The following ITGA11 variants were observed in gnomAD, a reference collection of about 807,000 sequenced individuals.
The protein encoded by ITGA11 is integrin alpha-11.
ITGA11 carries 97 observed loss-of-function variants against 141.9 expected under a neutral mutation model. The observed-to-expected ratio is 0.68, with a 90% CI of 0.58 to 0.81. The LOEUF (loss-of-function observed/expected upper bound fraction) is 0.81, where lower values mean the gene tolerates loss of function less well. Among genes scored for constraint, ITGA11 ranks in the 30% least tolerant of loss-of-function variants. The pLI, the probability that ITGA11 is intolerant of heterozygous loss-of-function variation, is 0.00. For synonymous variants in ITGA11, 658 were observed against 624.6 expected, an observed-to-expected ratio of 1.05 and a Z score of -0.80; for missense variants, 1,387 against 1,559.2, an observed-to-expected ratio of 0.89 and a Z score of 1.86.
intron 5 of ITGA11, among the ~76,000 whole-genome samples, chr15:68,359,554 G>A (rs1282004787): frequency 6.6e-6 from 1 of 152,168 alleles, no homozygotes; most frequent in Non-Finnish European, 1.5e-5. Flanking sequence ...GCTGAAGCAT[G>A]AGAATTGCTT....
At chr15:68,384,118 C>T (rs1030159007) in intron 2 of ITGA11, among the ~76,000 whole-genome samples, 4 of 151,994 alleles carry the variant, frequency 2.6e-5, no homozygotes, top group Non-Finnish European at 5.9e-5. Context: ...CGTTCTATGG[C>T]CCTGAGGACT....
In ITGA11 at chr15:68,420,817, G is replaced by A. The variant is rs147103134; in HGVS notation, c.52+11198C>T. 1.2e-4 allele frequency among the ~76,000 whole-genome samples: 18 copies of A among 152,280 alleles called. No homozygotes were observed. The East Asian group carries it at 3.3e-3, about 28-fold the overall frequency. ...TCAGGATTACATTCCATCGGAGCAG[G>A]CAATATACAACATGAATAAATAAAA... On this transcript the variant is annotated intron_variant, in intron 1 of 29. Transcript: ENST00000315757.
intron 13 of ITGA11, 42 bp from the exon 14 acceptor site, chr15:68,332,104 A>G (rs1383535502): frequency 6.7e-7 from 1 of 1,501,968 alleles, no homozygotes. Flanking sequence ...AGGGTTTGGC[A>G]AAAGTCCTCA....
chr15:68,371,977 C>T (rs1895603289), intron 2 of ITGA11, among the ~76,000 whole-genome samples: 1 of 152,112 alleles, frequency 6.6e-6, no homozygotes, highest in Non-Finnish European at 1.5e-5. Flanking sequence ...GTCCATAGTA[C>T]TTCATGAGGT....
intron 1 of ITGA11, among the ~76,000 whole-genome samples, chr15:68,425,306 AG>A (rs999246673): frequency 1.3e-5 from 2 of 152,210 alleles, no homozygotes; most frequent in African/African-American, 4.8e-5. Flanking sequence ...GTGGCCATCT[AG>A]AAATTCTTAG....
At chr15:68,399,134 A>G (rs183855370) in intron 2 of ITGA11, among the ~76,000 whole-genome samples, 104 of 151,818 alleles carry the variant, frequency 6.9e-4, no homozygotes, top group Non-Finnish European at 6.8e-4. Context: ...TTGCCAAAGA[A>G]AAACAACCCC....
chr15:68,431,959 C>T (rs1897278930), intron 1 of ITGA11, 56 bp downstream of exon 1: 3 of 1,201,858 alleles, frequency 2.5e-6, no homozygotes, highest in Non-Finnish European at 3.2e-6. Context: ...ATCCAAGCCC[C>T]GAGGGCCCAG....
At chr15:68,350,555 A>G (rs1257840789) in intron 9 of ITGA11, 62 bp downstream of exon 9, 1 of 1,499,914 alleles carries the variant, frequency 6.7e-7, no homozygotes, top group East Asian at 2.3e-5. Context: ...TTTGTGCTCT[A>G]CGGGGTTTAC....
intron 8 of ITGA11, among the ~76,000 whole-genome samples, 184 bp from the exon 9 acceptor site, chr15:68,350,966 G>A (rs1894890844): frequency 6.6e-6 from 1 of 152,168 alleles, no homozygotes; most frequent in African/African-American, 2.4e-5. Flanking sequence ...TAAAGCCCTT[G>A]TGCTAAGTTA....
chr15:68,302,155 TACCCCTGCTGCCCAGCTGC>T lies in ITGA11; in HGVS notation c.*885_*903del, dbSNP rs1555444854. On this transcript the variant is annotated 3_prime_UTR_variant, in exon 30 of 30. Transcript: ENST00000315757. ...ACAGGGAGGGGAGGCTCCCTACCCCTACCCCTGCTGCCCAGCTGCAGCCAGGCCGGTGCGTCCATGTCTA... is the reference window on the plus strand; with the variant it reads ...ACAGGGAGGGGAGGCTCCCTACCCCTAGCCAGGCCGGTGCGTCCATGTCTA... 1 of 146,908 alleles carries T rather than the reference TACCCCTGCTGCCCAGCTGC, an allele frequency of 6.8e-6. No homozygotes were observed. Among genetic ancestry groups the T allele is most frequent in the Non-Finnish European group, 1.5e-5 (1 of 67,702 alleles). The allele number at this position is 146,908 out of a possible 1,614,324, so 9.1% of individuals were successfully genotyped here. A position where few individuals can be genotyped will look rare whatever the true frequency, so the allele number is the denominator to read the frequency against.
chr15:68,405,129 C>G (rs537462030), intron 1 of ITGA11, among the ~76,000 whole-genome samples: 1 of 145,768 alleles, frequency 6.9e-6, no homozygotes, highest in African/African-American at 2.5e-5. Context: ...GCCTATCATA[C>G]AGAAACAAGT....
At chr15:68,370,548 C>T (rs1340873664) in intron 2 of ITGA11, among the ~76,000 whole-genome samples, 5 of 152,210 alleles carry the variant, frequency 3.3e-5, no homozygotes, top group Non-Finnish European at 7.3e-5. Context: ...CTCTGGCACA[C>T]CTGGGGCCCT....
At chr15:68,419,100 GA>G (rs1233497915) in intron 1 of ITGA11, among the ~76,000 whole-genome samples, 1 of 152,096 alleles carries the variant, frequency 6.6e-6, no homozygotes, top group African/African-American at 2.4e-5. Context: ...ACACCCATCT[GA>G]AAAGGTCTCT....
rs931241246 is a variant in ITGA11 at position 68,335,541 on chromosome 15, A to G, written c.1425+156T>C. On this transcript the variant is annotated intron_variant, in intron 12 of 29. Coordinates refer to ENST00000315757, the MANE Select transcript of ITGA11 (RefSeq NM_001004439.2). This position sits in a 1 kb window ranked among gnomAD's most constrained non-coding sequence, Gnocchi z 4.9. ...TGGGGCCTTCTGTAGGTGGATGCGC[A>G]CTCCTGCCACTCCTGGCAGCATGAA... Among the ~76,000 whole-genome samples, 1 of 151,868 alleles carries G rather than the reference A, an allele frequency of 6.6e-6. No homozygotes were observed. Among genetic ancestry groups the G allele is most frequent in the Non-Finnish European group, 1.5e-5 (1 of 67,940 alleles).
At position 68,302,152 on chromosome 15, in the gene ITGA11, C is replaced by CT. The variant is rs1360051710; in HGVS notation, c.*906_*907insA. On this transcript the variant is annotated 3_prime_UTR_variant, in exon 30 of 30. Transcript: ENST00000315757. Reference sequence around the variant, plus strand: ...GATACAGGGAGGGGAGGCTCCCTACCCCTACCCCTGCTGCCCAGCTGCAGC... The same window carrying CT: ...GATACAGGGAGGGGAGGCTCCCTACCTCCTACCCCTGCTGCCCAGCTGCAGC... 6.6e-6 allele frequency: 1 copy of CT among 151,078 alleles called. No individual in the cohort carries two copies. Among genetic ancestry groups the CT allele is most frequent in the Non-Finnish European group, 1.5e-5 (1 of 68,898 alleles). The allele number at this position is 151,078 out of a possible 1,614,324, so 9.4% of individuals were successfully genotyped here. A position where few individuals can be genotyped will look rare whatever the true frequency, so the allele number is the denominator to read the frequency against.
Position 68,303,908 on chromosome 15 carries a change from C to T in ITGA11, c.3382-23G>A, listed in dbSNP as rs1452896485. ...GATCTGCAAGGGGAGGGGGGCCGGG[C>T]CAACAGCATTACTCTTCTGGGGCTG... is the stretch of plus-strand genomic sequence containing the variant. On this transcript the variant is annotated intron_variant, in intron 28 of 29. Coordinates refer to ENST00000315757, the MANE Select transcript of ITGA11 (RefSeq NM_001004439.2). The surrounding 1 kb of genome is among the most constrained non-coding windows in gnomAD (Gnocchi z 5.3). 1.3e-6 allele frequency: 2 copies of T among 1,517,488 alleles called. No individual in the cohort carries two copies. The allele number at this position is 1,517,488 out of a possible 1,614,324, so 94.0% of individuals were successfully genotyped here. A position where few individuals can be genotyped will look rare whatever the true frequency, so the allele number is the denominator to read the frequency against.
Position 68,305,447 on chromosome 15 carries a change from G to A in ITGA11, c.3382-1562C>T, listed in dbSNP as rs1283343977. On this transcript the variant is annotated intron_variant, in intron 28 of 29. Transcript: ENST00000315757. This position sits in a 1 kb window ranked among gnomAD's most constrained non-coding sequence, Gnocchi z 4.6. ...TCAGCTGTAGGAGAGTGGGGGCTTT[G>A]TCTGTTTTGTCCCTGCTCTATCCTC... Among the ~76,000 whole-genome samples, 1 of 152,172 alleles carries A rather than the reference G, an allele frequency of 6.6e-6. No homozygotes were observed. The highest frequency in any genetic ancestry group is 1.5e-5 in the Non-Finnish European group (1 of 68,048).
At chr15:68,379,957 T>C (rs1419196842) in intron 2 of ITGA11, among the ~76,000 whole-genome samples, 1 of 152,336 alleles carries the variant, frequency 6.6e-6, no homozygotes, top group East Asian at 1.9e-4. Flanking sequence ...TGGGCTGGTG[T>C]GCTTGCTTTG....
chr15:68,362,154 C>T (rs1895262959), intron 4 of ITGA11, among the ~76,000 whole-genome samples: 1 of 152,226 alleles, frequency 6.6e-6, no homozygotes, highest in African/African-American at 2.4e-5. Flanking sequence ...GTCCCAAAAA[C>T]ATGCCATGGC....
Sources: gnomAD v4.1 joint callset for allele counts (sites outside exome capture counted in the v4.1 genomes callset) on GRCh38, gnomAD v4.1.1 for gene constraint, Gnocchi (gnomAD v3.1) non-coding constraint, MANE v1.5 for transcripts, NCBI Gene and HGNC (gene_info 2026-07-23, HGNC 2026-07-21) for gene names.